NCAM1: variants seen among roughly 807,000 people sequenced by gnomAD.
NCAM1 encodes antigen recognized by monoclonal antibody 5.1H11.
Under a neutral mutation model 109.8 loss-of-function variants are expected in NCAM1, and 14 were observed. The ratio of observed to expected loss-of-function variants is 0.13; its 90% CI spans 0.08 to 0.20. The LOEUF (loss-of-function observed/expected upper bound fraction) is 0.20. Ranked by LOEUF, NCAM1 falls within the 10% of genes least tolerant of loss-of-function variation. The pLI is 1.00. For synonymous variants in NCAM1, 418 were observed against 442.9 expected, an observed-to-expected ratio of 0.94 and a Z score of 0.70; for missense variants, 774 against 1,109.9, an observed-to-expected ratio of 0.70 and a Z score of 4.30.
chr11:113,162,227 T>C (rs575077029), intron 1 of NCAM1, among the ~76,000 whole-genome samples: 1 of 152,286 alleles, frequency 6.6e-6, no homozygotes, highest in South Asian at 2.1e-4. Flanking sequence ...CAAACAAAGC[T>C]AAAAATATCA....
chr11:113,128,055 T>A (rs782530424), intron 1 of NCAM1, among the ~76,000 whole-genome samples: 4 of 152,168 alleles, frequency 2.6e-5, no homozygotes, highest in Non-Finnish European at 5.9e-5. Context: ...CTGTCTATAG[T>A]CTTGGCCTGG....
At chr11:112,967,616 G>A (rs2155281) in intron 1 of NCAM1, among the ~76,000 whole-genome samples, 72,048 of 152,044 alleles carry the variant, frequency 0.47, 17,903 homozygotes, top group East Asian at 0.8. Context: ...AGTGCATGTA[G>A]GCAGTGTTCA....
chr11:113,149,121 C>T (rs894771619), intron 1 of NCAM1, among the ~76,000 whole-genome samples: 2 of 152,166 alleles, frequency 1.3e-5, no homozygotes, highest in Admixed American at 6.5e-5. Context: ...TCCTGAAAGT[C>T]GTTTGAAGTT....
intron 1 of NCAM1, among the ~76,000 whole-genome samples, chr11:113,000,847 T>TATATATATATATATATATATAC (rs1306306918): frequency 4.4e-5 from 5 of 113,578 alleles, no homozygotes; most frequent in African/African-American, 1.8e-4. Context: ...TATATATATA[T>TATATATATATATATATATATAC]ACACAAAAAA....
chr11:113,273,760 CT>C lies in NCAM1; in HGVS notation c.2457-1504del. The C allele has an allele frequency of 2.3e-6, 1 of 428,112 alleles. No individual in the cohort carries two copies. The highest frequency in any genetic ancestry group is 1.6e-5 in the South Asian group (1 of 61,342). 26.5% of individuals were successfully genotyped at this position (428,112 alleles called of 1,614,324 possible). ...CCAGCAAAGACCGAGTACGGCCTCT[CT>C]TTGTCTGCTGTCATCGGGTTGTGTC... On this transcript the variant is annotated intron_variant, in intron 19 of 19. Transcript: ENST00000316851. The surrounding 1 kb of genome is among the most constrained non-coding windows in gnomAD (Gnocchi z 6.0).
At chr11:112,998,267 G>A (rs533619902) in intron 1 of NCAM1, among the ~76,000 whole-genome samples, 6 of 152,266 alleles carry the variant, frequency 3.9e-5, no homozygotes, top group Non-Finnish European at 8.8e-5. Flanking sequence ...CTACTGAACT[G>A]TGGTCAGTTC....
chr11:113,226,827 A>G (rs528065100), intron 9 of NCAM1, among the ~76,000 whole-genome samples: 33 of 152,336 alleles, frequency 2.2e-4, no homozygotes, highest in African/African-American at 6.0e-4. Flanking sequence ...CTCCTGAATG[A>G]CTACTGGGTA....
intron 14 of NCAM1, among the ~76,000 whole-genome samples, chr11:113,243,128 A>C (rs1945385239): frequency 6.6e-6 from 1 of 152,240 alleles, no homozygotes. Context: ...GCCAAGGATT[A>C]GGCAAACCCT....
rs561424527 is a variant in NCAM1 at position 112,961,564 on chromosome 11, G to C, written c.-49G>C. On this transcript the variant is annotated 5_prime_UTR_variant, in exon 1 of 20. Transcript: ENST00000316851. The stretch of plus-strand genomic sequence containing the variant: ...GTCCACACTCGCTGCAGGGGGGGGG[G>C]CACAGAATTTACCGCGGCAAGAACA... The C allele has an allele frequency of 2.6e-4, 311 of 1,180,216 alleles. 1 individual carries two copies. In the East Asian group the frequency reaches 7.1e-3, roughly 27 times the overall value. The allele number at this position is 1,180,216 out of a possible 1,614,324, so 73.1% of individuals were successfully genotyped here. A position where few individuals can be genotyped will look rare whatever the true frequency, so the allele number is the denominator to read the frequency against.
chr11:113,238,486 C>T lies in NCAM1; in HGVS notation c.1825+3322C>T, dbSNP rs1460676909. The stretch of plus-strand genomic sequence containing the variant: ...CTTAGCCCACGGAGTATCCTGCTGC[C>T]CCTAGACCCATCCTGAAAACAGATA... On this transcript the variant is annotated intron_variant, in intron 14 of 19. Transcript: ENST00000316851. 2.6e-5 allele frequency among the ~76,000 whole-genome samples: 4 copies of T among 152,242 alleles called. No homozygotes were observed. In the East Asian group the frequency reaches 5.8e-4, roughly 22 times the overall value.
intron 1 of NCAM1, among the ~76,000 whole-genome samples, chr11:113,154,075 C>T (rs1942328761): frequency 6.6e-6 from 1 of 152,208 alleles, no homozygotes; most frequent in African/African-American, 2.4e-5. Context: ...GGGAAAATAA[C>T]AGGAAGAATT....
intron 1 of NCAM1, among the ~76,000 whole-genome samples, chr11:113,148,660 T>C (rs943017092): frequency 4.6e-5 from 7 of 152,326 alleles, no homozygotes; most frequent in African/African-American, 1.4e-4. Flanking sequence ...TTAGATTGAA[T>C]TGATGCATAA....
chr11:113,092,264 G>A (rs1555089492), intron 1 of NCAM1, among the ~76,000 whole-genome samples: 1 of 152,062 alleles, frequency 6.6e-6, no homozygotes, highest in East Asian at 1.9e-4. Flanking sequence ...TTTTACATAT[G>A]AGCAAATTGA....
At chr11:113,005,773 T>G (rs1220867187) in intron 1 of NCAM1, among the ~76,000 whole-genome samples, 2 of 152,204 alleles carry the variant, frequency 1.3e-5, no homozygotes, top group African/African-American at 4.8e-5. Context: ...TTTTTGAGAC[T>G]TTTAAGTGTA....
chr11:113,265,069 ATT>A, intron 17 of NCAM1: 2 of 985,420 alleles, frequency 2.0e-6, no homozygotes, highest in Non-Finnish European at 2.4e-6. Context: ...TTTTTGGACT[ATT>A]TATACAGCAG....
At chr11:113,089,377 G>GTT (rs5794844) in intron 1 of NCAM1, among the ~76,000 whole-genome samples, 1 of 149,666 alleles carries the variant, frequency 6.7e-6, no homozygotes. Context: ...AGTGGGTTTA[G>GTT]TTTTTTTTTT....
intron 1 of NCAM1, among the ~76,000 whole-genome samples, chr11:113,191,307 T>C (rs552126568): frequency 1.3e-5 from 2 of 152,156 alleles, no homozygotes; most frequent in Non-Finnish European, 2.9e-5. Context: ...CCAGGTGGGC[T>C]CAGGAATTCC....
At chr11:112,977,000 C>T (rs1017679486) in intron 1 of NCAM1, among the ~76,000 whole-genome samples, 2 of 151,316 alleles carry the variant, frequency 1.3e-5, no homozygotes, top group African/African-American at 2.4e-5. Flanking sequence ...AGAATTGTGT[C>T]GTGATACTTT....
At chr11:113,210,101 T>C (rs1591421010) in intron 7 of NCAM1, among the ~76,000 whole-genome samples, 1 of 152,162 alleles carries the variant, frequency 6.6e-6, no homozygotes, top group South Asian at 2.1e-4. Context: ...TTCTATATGA[T>C]GAAGCAAACA....
Sources: allele counts gnomAD v4.1 joint callset (sites outside exome capture counted in the v4.1 genomes callset), GRCh38; gene constraint gnomAD v4.1.1; non-coding constraint Gnocchi (gnomAD v3.1); transcripts MANE v1.5; gene names NCBI Gene and HGNC (gene_info 2026-07-23, HGNC 2026-07-21).